Variants in STK4 observed in about 807,000 individuals in gnomAD.
STK4 encodes serine/threonine-protein kinase 4.
Under a neutral mutation model 64.9 loss-of-function variants are expected in STK4, and 30 were observed. The ratio of observed to expected loss-of-function variants is 0.46; its 90% CI spans 0.35 to 0.63. The LOEUF (loss-of-function observed/expected upper bound fraction) is 0.63. Among genes scored for constraint, STK4 ranks in the 20% least tolerant of loss-of-function variants. The pLI, the probability that STK4 is intolerant of heterozygous loss-of-function variation, is 0.01. For missense variants in STK4, 466 were observed against 598.5 expected, an observed-to-expected ratio of 0.78 and a Z score of 2.31; for synonymous variants, 177 against 199.0, an observed-to-expected ratio of 0.89 and a Z score of 0.93.
In STK4 at chr20:44,997,304, C is replaced by G; in HGVS notation, c.829C>G (p.Gln277Glu). Residue 277 changes from glutamine (Q) to glutamate (E), a missense_variant and splice_region_variant, in exon 7 of 11, where the codon CAG becomes GAG. Coordinates refer to ENST00000372806, the MANE Select transcript of STK4 (RefSeq NM_006282.5). ...EQRATATQLL[Q>E]HPFVRSAKGV... is the part of the protein sequence containing the mutation. ...GAGGGCCACAGCCACTCAGCTCCTG[C>G]AGGTATGAATCACCCTGTGATGCCA... The G allele has an allele frequency of 6.3e-7, 1 of 1,594,698 alleles. No individual in the cohort carries two copies. The highest frequency in any genetic ancestry group is 8.5e-7 in the Non-Finnish European group (1 of 1,173,106).
At chr20:44,991,024 G>A (rs2067623106) in intron 5 of STK4, among the ~76,000 whole-genome samples, 1 of 152,126 alleles carries the variant, frequency 6.6e-6, no homozygotes, top group African/African-American at 2.4e-5. Context: ...TTAAAATTCT[G>A]TGGCTGTAGT....
At chr20:45,034,467 A>G (rs1302159393) in intron 10 of STK4, among the ~76,000 whole-genome samples, 1 of 152,194 alleles carries the variant, frequency 6.6e-6, no homozygotes, top group African/African-American at 2.4e-5. Flanking sequence ...ATGTTTAAAC[A>G]CTATGCCATA....
At chr20:44,988,134 G>A (rs768905234) in intron 5 of STK4, among the ~76,000 whole-genome samples, 43 of 152,012 alleles carry the variant, frequency 2.8e-4, no homozygotes, top group Middle Eastern at 3.2e-3. Flanking sequence ...TAACACAAAA[G>A]TAAACAGTAC....
In STK4 at chr20:45,027,666, T is replaced by C. The variant is rs561577135; in HGVS notation, c.1305+2536T>C. ...CCGTTTTGAAGTATACAATAAATTA[T>C]TAACTATAATTTTCCTACTGTACTA... is the stretch of plus-strand genomic sequence containing the variant. On this transcript the variant is annotated intron_variant, in intron 10 of 10. Transcript: ENST00000372806. Among the ~76,000 whole-genome samples the C allele has an allele frequency of 4.6e-5, 7 of 152,248 alleles. No individual in the cohort carries two copies. The South Asian group carries it at 1.5e-3, about 32-fold the overall frequency.
At chr20:45,023,429 A>C (rs2068284383) in intron 9 of STK4, among the ~76,000 whole-genome samples, 1 of 152,148 alleles carries the variant, frequency 6.6e-6, no homozygotes, top group African/African-American at 2.4e-5. Flanking sequence ...CCTGGAGAGA[A>C]ACACTTGCTG....
At chr20:45,065,855 T>G (rs2145474002) in intron 10 of STK4, among the ~76,000 whole-genome samples, 1 of 152,216 alleles carries the variant, frequency 6.6e-6, no homozygotes, top group Non-Finnish European at 1.5e-5. Flanking sequence ...TGCATGTTTT[T>G]TCACATCTCA....
At chr20:45,053,133 TTGCCAGGGAAACC>T in intron 10 of STK4, 1 of 1,612,816 alleles carries the variant, frequency 6.2e-7, no homozygotes, top group Non-Finnish European at 8.5e-7. Flanking sequence ...GTATCCAAAA[TTGCCAGGGAAACC>T]TGCTGTGTAG....
At chr20:44,983,296 G>A (rs999688239) in intron 4 of STK4, among the ~76,000 whole-genome samples, 2 of 152,162 alleles carry the variant, frequency 1.3e-5, no homozygotes, top group Non-Finnish European at 2.9e-5. Flanking sequence ...GCCATCTGAT[G>A]TATGTTTTAG....
At chr20:44,973,024 C>T (rs1034887993) in intron 2 of STK4, 2 of 151,734 alleles carry the variant, frequency 1.3e-5, no homozygotes, top group African/African-American at 2.4e-5. Flanking sequence ...AGCGCACACT[C>T]GTGTTTGTGT....
At chr20:44,975,399 A>ATG in intron 2 of STK4, 1 of 983,938 alleles carries the variant, frequency 1.0e-6, no homozygotes, top group Non-Finnish European at 1.2e-6. Context: ...TGCTATCAGG[A>ATG]TGCATAGGGA....
chr20:45,018,264 AAAAATCAGGCTCTGCCCAGTTCT>A (rs1304654322), intron 9 of STK4, among the ~76,000 whole-genome samples: 1 of 152,210 alleles, frequency 6.6e-6, no homozygotes, highest in African/African-American at 2.4e-5. Flanking sequence ...AACAGAGAAA[AAAAATCAGGCTCTGCCCAGTTCT>A]CTGGTTTGCA....
At chr20:45,013,188 A>G (rs1365348721) in intron 9 of STK4, among the ~76,000 whole-genome samples, 1 of 151,852 alleles carries the variant, frequency 6.6e-6, no homozygotes, top group Non-Finnish European at 1.5e-5. Context: ...CTTTAAAGAA[A>G]ATTCTTGGGA....
intron 4 of STK4, among the ~76,000 whole-genome samples, chr20:44,982,821 A>G (rs2067464881): frequency 6.7e-6 from 1 of 150,242 alleles, no homozygotes; most frequent in African/African-American, 2.5e-5. Flanking sequence ...CTGTCATGGT[A>G]GTGTACTTCG....
chr20:45,013,673 T>G (rs2068092336), intron 9 of STK4, among the ~76,000 whole-genome samples: 2 of 152,312 alleles, frequency 1.3e-5, no homozygotes, highest in South Asian at 4.1e-4. Flanking sequence ...TTAATTTTCA[T>G]TAAATGTGCT....
intron 7 of STK4, among the ~76,000 whole-genome samples, chr20:44,997,887 C>T (rs2067764664): frequency 6.6e-6 from 1 of 152,090 alleles, no homozygotes; most frequent in African/African-American, 2.4e-5. Flanking sequence ...GCATATGTGC[C>T]ATTTAATCAT....
At chr20:44,996,942 G>T (rs1373988926) in intron 6 of STK4, among the ~76,000 whole-genome samples, 1 of 152,000 alleles carries the variant, frequency 6.6e-6, no homozygotes, top group Non-Finnish European at 1.5e-5. Flanking sequence ...ATGTTGTGAG[G>T]TTTAGGGAAC....
chr20:45,076,940 CAG>C lies in STK4; in HGVS notation c.*1767_*1768del, dbSNP rs553412633. ...ATAGCTATGTGGCGGATACGGAAAA[CAG>C]AGGACAATTTGAGGATCTTGCTGGA... is the stretch of plus-strand genomic sequence containing the variant. On this transcript the variant is annotated 3_prime_UTR_variant, in exon 11 of 11. Coordinates refer to ENST00000372806, the MANE Select transcript of STK4 (RefSeq NM_006282.5). The surrounding 1 kb of genome is among the most constrained non-coding windows in gnomAD (Gnocchi z 4.0). 2 of 152,198 alleles carry C rather than the reference CAG, an allele frequency of 1.3e-5. No homozygotes were observed. The highest frequency in any genetic ancestry group is 2.9e-5 in the Non-Finnish European group (2 of 68,038). The allele number at this position is 152,198 out of a possible 1,614,324, so 9.4% of individuals were successfully genotyped here.
intron 10 of STK4, among the ~76,000 whole-genome samples, chr20:45,035,288 A>G (rs915782488): frequency 2.6e-5 from 4 of 152,178 alleles, no homozygotes; most frequent in East Asian, 1.9e-4. Context: ...CTATATCAAT[A>G]TATTACTTGC....
chr20:45,029,109 A>C (rs946699538), intron 10 of STK4, among the ~76,000 whole-genome samples: 1 of 152,176 alleles, frequency 6.6e-6, no homozygotes, highest in Non-Finnish European at 1.5e-5. Context: ...TATGTTAAAA[A>C]CTTATGAGAT....
Sources: allele counts gnomAD v4.1 joint callset (sites outside exome capture counted in the v4.1 genomes callset), GRCh38; gene constraint gnomAD v4.1.1; non-coding constraint Gnocchi (gnomAD v3.1); transcripts MANE v1.5; gene names NCBI Gene and HGNC (gene_info 2026-07-23, HGNC 2026-07-21).